The following ADAM9 variants were observed in gnomAD, a reference collection of about 807,000 sequenced individuals.
The protein encoded by ADAM9 is disintegrin and metalloproteinase domain-containing protein 9.
ADAM9 carries 54 observed loss-of-function variants against 108.1 expected under a neutral mutation model. The observed-to-expected ratio is 0.50, with a 90% CI of 0.40 to 0.63. The LOEUF is 0.63. ADAM9 is among the 20% of genes least tolerant of loss of function. The pLI, the probability that ADAM9 is intolerant of heterozygous loss-of-function variation, is 0.00. For synonymous variants in ADAM9, 316 were observed against 336.0 expected (o/e 0.94, Z 0.65); for missense variants, 830 against 997.7 (o/e 0.83, Z 2.26).
intron 20 of ADAM9, among the ~76,000 whole-genome samples, chr8:39,099,544 A>T (rs1564390328): frequency 6.6e-6 from 1 of 152,222 alleles, no homozygotes; most frequent in Non-Finnish European, 1.5e-5. Context: ...CCAGAAATTT[A>T]AAAACAGGTT....
chr8:39,013,966 G>C lies in ADAM9; in HGVS notation c.256G>C (p.Asp86His). The C allele has an allele frequency of 6.2e-7, 1 of 1,612,348 alleles. No homozygotes were observed. The highest frequency in any genetic ancestry group is 8.5e-7 in the Non-Finnish European group (1 of 1,178,626). ...AACGGTGTTTTATTTCTCTTCCAGA[G>C]ACCTTTTGCCTGAAGATTTTGTGGT... ...EHIIHLERNKDLLPEDFVVYT... is the reference protein window; with the variant it reads ...EHIIHLERNKHLLPEDFVVYT... Residue 86 changes from aspartate to histidine, a missense_variant and splice_region_variant, in exon 4 of 22, where the codon GAC becomes CAC. Asp to His is a moderately conservative substitution (Grantham distance 81). Coordinates refer to ENST00000487273, the MANE Select transcript of ADAM9 (RefSeq NM_003816.3).
rs1412252071 is a variant in ADAM9 at position 39,063,987 on chromosome 8, C to G, written c.1592-7311C>G. ...CCTTTAGGGCACACACAGAAAATTT[C>G]AGGTCACTTATATGGTGCTTGAACT... On this transcript the variant is annotated intron_variant, in intron 14 of 21. Transcript: ENST00000487273. Among the ~76,000 whole-genome samples, 4 of 152,314 alleles carry G rather than the reference C, an allele frequency of 2.6e-5. No homozygotes were observed. In the East Asian group the frequency reaches 7.7e-4, roughly 29 times the overall value.
chr8:39,019,469 T>C (rs1322729864), intron 7 of ADAM9, among the ~76,000 whole-genome samples: 1 of 152,260 alleles, frequency 6.6e-6, no homozygotes, highest in Non-Finnish European at 1.5e-5. Flanking sequence ...AGAAGTAATG[T>C]GTCCCTATTT....
intron 12 of ADAM9, among the ~76,000 whole-genome samples, chr8:39,045,235 T>C (rs1426221160): frequency 6.8e-6 from 1 of 147,884 alleles, no homozygotes; most frequent in Non-Finnish European, 1.5e-5. Context: ...TGTGTATATA[T>C]GTGTATACAT....
intron 12 of ADAM9, among the ~76,000 whole-genome samples, chr8:39,045,140 A>ATATATGTGTATACATACATATG (rs1564298009): frequency 1.0e-5 from 1 of 98,508 alleles, no homozygotes; most frequent in African/African-American, 3.6e-5. Flanking sequence ...ACATACATAT[A>ATATATGTGTATACATACATATG]TGTGTATATA....
rs1415010939 is a variant in ADAM9 at position 39,054,198 on chromosome 8, A to T, written c.1303-283A>T. 5.3e-5 allele frequency among the ~76,000 whole-genome samples: 8 copies of T among 152,320 alleles called. No homozygotes were observed. In the East Asian group the frequency reaches 1.5e-3, roughly 29 times the overall value. On this transcript the variant is annotated intron_variant, in intron 12 of 21. Transcript: ENST00000487273. ...TTCTAGCCTCAAGAACTGTGAGAAA[A>T]TAAATTTCTGCAGTTTAAACCTGTG...
intron 14 of ADAM9, among the ~76,000 whole-genome samples, chr8:39,069,598 C>G (rs1379675567): frequency 6.6e-6 from 1 of 152,132 alleles, no homozygotes; most frequent in African/African-American, 2.4e-5. Context: ...GCTCAGAGAG[C>G]TAAATGGTTT....
intron 11 of ADAM9, among the ~76,000 whole-genome samples, chr8:39,040,149 A>G (rs371462459): frequency 1.6e-4 from 24 of 152,156 alleles, no homozygotes; most frequent in African/African-American, 5.3e-4. Context: ...TCCCAGGTTC[A>G]AGCGATTCTC....
rs369982133 is a variant in ADAM9 at position 39,103,659 on chromosome 8, C to G, written c.2419C>G (p.Arg807Gly). 1 of 1,614,002 alleles carries G rather than the reference C, an allele frequency of 6.2e-7. No individual in the cohort carries two copies. The highest frequency in any genetic ancestry group is 1.3e-5 in the African/African-American group (1 of 74,914). The change falls in exon 22 of 22, where the codon CGT (arginine) becomes GGT (glycine). Residue 807 changes from arginine to glycine, a missense_variant. This residue lies in a region of ADAM9 where 238 missense variants were observed against 235.7 expected (regional missense o/e 1.01). Transcript: ENST00000487273. ...ATCTCAGGGAAACTTAATTCCTGCC[C>G]GTCCTGCTCCTGCACCTCCTTTATA... The part of the protein sequence containing the change: ...VSSQGNLIPA[R>G]PAPAPPLYSS...
rs1564298159 is a variant in ADAM9, at chr8:39,045,154, GTATACATACATA to G, written c.1302+3041_1302+3052del. Among the ~76,000 whole-genome samples the G allele has an allele frequency of 2.7e-5, 3 of 109,540 alleles. 1 individual carries two copies. In the East Asian group the frequency reaches 8.0e-4, roughly 29 times the overall value. 71.9% of individuals were successfully genotyped at this position (109,540 alleles called of 152,430 possible). A position where few individuals can be genotyped will look rare whatever the true frequency, so the allele number is the denominator to read the frequency against. On this transcript the variant is annotated intron_variant, in intron 12 of 21. Coordinates refer to ENST00000487273, the MANE Select transcript of ADAM9 (RefSeq NM_003816.3). ...TACATACATATATGTGTATATATGT[GTATACATACATA>G]TATGTGTATATATGTGTATACATAC...
rs1424221752 is a variant in ADAM9, at chr8:39,096,232, A to T, written c.2298+4886A>T. On this transcript the variant is annotated intron_variant, in intron 20 of 21. Transcript: ENST00000487273. ...TCATTTCTATGTTAGGAACATTCCA[A>T]CTCTACTCTTTTAGCTATTTTGAAA... Among the ~76,000 whole-genome samples the T allele has an allele frequency of 3.4e-5, 5 of 147,786 alleles. 1 individual carries two copies. Among genetic ancestry groups the T allele is most frequent in the Non-Finnish European group, 4.5e-5 (3 of 66,424 alleles).
At chr8:39,079,204 G>A (rs1443499549) in intron 16 of ADAM9, among the ~76,000 whole-genome samples, 3 of 152,198 alleles carry the variant, frequency 2.0e-5, no homozygotes, top group African/African-American at 7.2e-5. Context: ...AGACCAGAAT[G>A]CACCCTTTCT....
chr8:39,012,314 C>T (rs4610711), intron 3 of ADAM9, among the ~76,000 whole-genome samples: 13,038 of 152,178 alleles, frequency 0.086, 883 homozygotes, highest in African/African-American at 0.19. Context: ...CTAACTAAAT[C>T]GGACAAAAAC....
In ADAM9 at chr8:39,045,437, C is replaced by CGT. The variant is rs1564301845; in HGVS notation, c.1302+3321_1302+3322insTG. On this transcript the variant is annotated intron_variant, in intron 12 of 21. Transcript: ENST00000487273. Reference sequence around the variant, plus strand: ...GCGTGTGTACACACACCTATATGTGCGCGTGTGTACACACACCTATATGTG... The same window carrying CGT: ...GCGTGTGTACACACACCTATATGTGCGTGCGTGTGTACACACACCTATATGTG... Among the ~76,000 whole-genome samples the CGT allele has an allele frequency of 2.9e-5, 3 of 104,194 alleles. No homozygotes were observed. The East Asian group carries it at 8.6e-4, about 30-fold the overall frequency. 68.4% of individuals were successfully genotyped at this position (104,194 alleles called of 152,430 possible).
At chr8:39,022,286 C>A (rs986903964) in intron 8 of ADAM9, among the ~76,000 whole-genome samples, 2 of 152,168 alleles carry the variant, frequency 1.3e-5, no homozygotes, top group African/African-American at 4.8e-5. Flanking sequence ...GTGCTAGACA[C>A]TGAGCTAAGT....
intron 18 of ADAM9, among the ~76,000 whole-genome samples, chr8:39,084,709 A>T (rs1162929612): frequency 6.6e-6 from 1 of 151,950 alleles, no homozygotes; most frequent in Non-Finnish European, 1.5e-5. Context: ...TTATTAGTTC[A>T]TGTCAGTTAA....
At chr8:39,064,421 A>T (rs1838393022) in intron 14 of ADAM9, among the ~76,000 whole-genome samples, 1 of 152,194 alleles carries the variant, frequency 6.6e-6, no homozygotes, top group Non-Finnish European at 1.5e-5. Context: ...TATACATATT[A>T]TATATATGTT....
chr8:39,011,362 C>A (rs896967184), intron 2 of ADAM9, among the ~76,000 whole-genome samples: 2 of 152,126 alleles, frequency 1.3e-5, no homozygotes, highest in Non-Finnish European at 2.9e-5. Context: ...GTAGGTAATA[C>A]ATCGATGGAC....
intron 20 of ADAM9, among the ~76,000 whole-genome samples, chr8:39,096,607 A>G (rs1192926842): frequency 6.6e-6 from 1 of 152,210 alleles, no homozygotes; most frequent in Non-Finnish European, 1.5e-5. Context: ...TTCTCTGTCT[A>G]TACACTTACC....
Sources: allele counts gnomAD v4.1 joint callset (sites outside exome capture counted in the v4.1 genomes callset), GRCh38; gene constraint gnomAD v4.1.1; regional missense constraint gnomAD v4.1.1; transcripts MANE v1.5; gene names NCBI Gene and HGNC (gene_info 2026-07-23, HGNC 2026-07-21).